NUDT3: variants seen among roughly 807,000 people sequenced by gnomAD.
The protein encoded by NUDT3 is nudix hydrolase 3.
Under a neutral mutation model 23.6 loss-of-function variants are expected in NUDT3, and 9 were observed. The ratio of observed to expected loss-of-function variants is 0.38; its 90% CI spans 0.23 to 0.66. NUDT3 has a LOEUF of 0.66. Ranked by LOEUF, NUDT3 falls within the 30% of genes least tolerant of loss-of-function variation. NUDT3 has a pLI of 0.52. For missense variants in NUDT3, 172 were observed against 218.5 expected (o/e 0.79, Z 1.34); for synonymous variants, 86 against 82.6 (o/e 1.04, Z -0.22).
intron 2 of NUDT3, among the ~76,000 whole-genome samples, chr6:34,318,845 G>A (rs538819342): frequency 2.6e-5 from 4 of 152,144 alleles, no homozygotes; most frequent in South Asian, 2.1e-4. Context: ...TTATAGGTGT[G>A]AGCCACCATG....
At chr6:34,380,397 G>C (rs567088792) in intron 1 of NUDT3, among the ~76,000 whole-genome samples, 38 of 152,104 alleles carry the variant, frequency 2.5e-4, no homozygotes, top group Non-Finnish European at 7.4e-5. Flanking sequence ...CTGTCACCCA[G>C]GTTGGAGTAC....
At chr6:34,305,123 C>T (rs1763660727) in intron 2 of NUDT3, among the ~76,000 whole-genome samples, 1 of 150,704 alleles carries the variant, frequency 6.6e-6, no homozygotes, top group Non-Finnish European at 1.5e-5. Context: ...GCTGGGACTA[C>T]AGGCACGTGC....
intron 2 of NUDT3, among the ~76,000 whole-genome samples, chr6:34,320,258 T>C (rs1385058470): frequency 1.3e-5 from 2 of 152,010 alleles, no homozygotes; most frequent in Admixed American, 1.3e-4. Flanking sequence ...CGGAGTCTCG[T>C]ATGGTTGCCT....
chr6:34,352,978 C>T (rs575023426), intron 1 of NUDT3, among the ~76,000 whole-genome samples: 9 of 152,246 alleles, frequency 5.9e-5, no homozygotes, highest in Admixed American at 2.6e-4. Context: ...CCTAATTCTA[C>T]TCTTTTCAAA....
rs185732738 is a variant in NUDT3 at position 34,279,839 on chromosome 6, G to A, written c.*8914C>T. On this transcript the variant is annotated 3_prime_UTR_variant, in exon 5 of 5. Coordinates refer to ENST00000607016, the MANE Select transcript of NUDT3 (RefSeq NM_006703.4). ...GCATTTGTTTTTACAAAAAGGAGTGGGATATGGGGGTGGTCAAGTTTTACG... is the reference window on the plus strand; with the variant it reads ...GCATTTGTTTTTACAAAAAGGAGTGAGATATGGGGGTGGTCAAGTTTTACG... 4.9e-4 allele frequency: 74 copies of A among 152,324 alleles called. No homozygotes were observed. The highest frequency in any genetic ancestry group is 1.7e-3 in the African/African-American group (71 of 41,556). The allele number at this position is 152,324 out of a possible 1,614,324, so 9.4% of individuals were successfully genotyped here. A position where few individuals can be genotyped will look rare whatever the true frequency, so the allele number is the denominator to read the frequency against.
chr6:34,338,401 C>T (rs1286305632), intron 2 of NUDT3, among the ~76,000 whole-genome samples: 3 of 152,178 alleles, frequency 2.0e-5, no homozygotes, highest in Non-Finnish European at 2.9e-5. Flanking sequence ...AACAAGCCCC[C>T]GGCATGCCGT....
chr6:34,292,344 A>C (rs1763435714), intron 4 of NUDT3, among the ~76,000 whole-genome samples: 1 of 152,210 alleles, frequency 6.6e-6, no homozygotes, highest in Non-Finnish European at 1.5e-5. Flanking sequence ...GTTGGCAAAT[A>C]AATTTTATCT....
chr6:34,379,908 G>A (rs1764984948), intron 1 of NUDT3, among the ~76,000 whole-genome samples: 1 of 151,768 alleles, frequency 6.6e-6, no homozygotes, highest in African/African-American at 2.4e-5. Flanking sequence ...TTGGGAGGTG[G>A]AGGCAGGAAA....
chr6:34,297,174 C>T (rs1025941195), intron 2 of NUDT3, among the ~76,000 whole-genome samples: 20 of 152,102 alleles, frequency 1.3e-4, no homozygotes, highest in Admixed American at 5.2e-4. Context: ...CCTCGTGATC[C>T]GCCCATCTCA....
In NUDT3 at chr6:34,381,403, TACC is replaced by T. The variant is rs1765015427; in HGVS notation, c.99+10858_99+10860del. 2.6e-5 allele frequency among the ~76,000 whole-genome samples: 4 copies of T among 152,060 alleles called. No homozygotes were observed. The South Asian group carries it at 6.2e-4, about 24-fold the overall frequency. On this transcript the variant is annotated intron_variant, in intron 1 of 4. Coordinates refer to ENST00000607016, the MANE Select transcript of NUDT3 (RefSeq NM_006703.4). ...TTCAGTTTGAAGTATTCTTTATAGA[TACC>T]ACAATACAATTACTTTTGTAACCAA...
intron 2 of NUDT3, among the ~76,000 whole-genome samples, chr6:34,322,255 G>A (rs946855755): frequency 6.6e-6 from 1 of 151,296 alleles, no homozygotes. Flanking sequence ...TTTTGAGATG[G>A]AGTTTCGCTC....
At chr6:34,311,858 C>T (rs1303506952) in intron 2 of NUDT3, among the ~76,000 whole-genome samples, 1 of 152,062 alleles carries the variant, frequency 6.6e-6, no homozygotes, top group African/African-American at 2.4e-5. Context: ...GGCATTTTTG[C>T]CTGGCCATCC....
rs2113698726 is a variant in NUDT3 at position 34,298,283 on chromosome 6, C to G, written c.211-2598G>C. ...GGCTGAAGTGGGAGGATCACCCCAG[C>G]TCAGGAAGTCAAGGCTGCAGTGAGC... On this transcript the variant is annotated intron_variant, in intron 2 of 4. Transcript: ENST00000607016. Among the ~76,000 whole-genome samples the G allele has an allele frequency of 2.6e-5, 4 of 152,216 alleles. No homozygotes were observed. The South Asian group carries it at 8.3e-4, about 32-fold the overall frequency.
intron 1 of NUDT3, among the ~76,000 whole-genome samples, chr6:34,382,616 C>T (rs935570834): frequency 6.6e-6 from 1 of 152,040 alleles, no homozygotes; most frequent in Non-Finnish European, 1.5e-5. Context: ...AGGGCTGCTG[C>T]TTCAGCTCAG....
chr6:34,325,648 A>C (rs924682962), intron 2 of NUDT3, among the ~76,000 whole-genome samples: 7 of 152,254 alleles, frequency 4.6e-5, no homozygotes, highest in Admixed American at 1.3e-4. Flanking sequence ...GTTTTCCTGA[A>C]ATTTTTACTA....
chr6:34,345,721 C>A (rs1764358283), intron 1 of NUDT3, among the ~76,000 whole-genome samples: 1 of 149,990 alleles, frequency 6.7e-6, no homozygotes, highest in African/African-American at 2.4e-5. Flanking sequence ...CCCCCAGAGT[C>A]TACACCTCAA....
chr6:34,305,935 T>C (rs1382988209), intron 2 of NUDT3, among the ~76,000 whole-genome samples: 1 of 152,230 alleles, frequency 6.6e-6, no homozygotes, highest in Non-Finnish European at 1.5e-5. Context: ...CCTGTACAAC[T>C]TAACATGTGG....
intron 2 of NUDT3, among the ~76,000 whole-genome samples, chr6:34,339,800 T>G (rs1196789639): frequency 6.6e-6 from 1 of 152,258 alleles, no homozygotes. Context: ...ATCCATTCTT[T>G]TTTAGAGTAA....
rs927228153 is a variant in NUDT3 at position 34,280,504 on chromosome 6, C to G, written c.*8249G>C. ...GAGGTTTAAGGACCACAACTGACCT[C>G]TCTTTCCCTACAAGCACCATTCCTT... On this transcript the variant is annotated 3_prime_UTR_variant, in exon 5 of 5. Transcript: ENST00000607016. The G allele has an allele frequency of 2.6e-4, 40 of 152,368 alleles. No individual in the cohort carries two copies. Among genetic ancestry groups the G allele is most frequent in the African/African-American group, 9.6e-4 (40 of 41,588 alleles). The allele number at this position is 152,368 out of a possible 1,614,324, so 9.4% of individuals were successfully genotyped here.
Sources: allele counts gnomAD v4.1 joint callset (sites outside exome capture counted in the v4.1 genomes callset), GRCh38; gene constraint gnomAD v4.1.1; transcripts MANE v1.5; gene names NCBI Gene and HGNC (gene_info 2026-07-23, HGNC 2026-07-21).